FASTKD2: variants seen among roughly 807,000 people sequenced by gnomAD.
The protein encoded by FASTKD2 is FAST kinase domain-containing protein 2, mitochondrial.
In FASTKD2, 51 loss-of-function variants were observed where a neutral mutation model predicts 63.6. The observed-to-expected ratio is 0.80, with a 90% CI of 0.64 to 1.01. FASTKD2 has a LOEUF of 1.01. Among genes scored for constraint, FASTKD2 ranks in the 50% least tolerant of loss-of-function variants. The pLI is 0.00. For missense variants in FASTKD2, 786 were observed against 831.1 expected (o/e 0.95, Z 0.67); for synonymous variants, 284 against 293.4 (o/e 0.97, Z 0.33).
chr2:206,766,673 A>G lies in FASTKD2; in HGVS notation c.-21A>G, dbSNP rs780122499. The G allele has an allele frequency of 6.2e-7, 1 of 1,607,968 alleles. No homozygotes were observed. The highest frequency in any genetic ancestry group is 8.5e-7 in the Non-Finnish European group (1 of 1,174,428). ...ACGACAGCACGTGTTCTTTTTCACT[A>G]GTAGAAGTGACGTTGGTTTCATGTT... On this transcript the variant is annotated 5_prime_UTR_variant, in exon 2 of 12. Transcript: ENST00000402774.
At chr2:206,785,803 C>G (rs572606660) in intron 7 of FASTKD2, among the ~76,000 whole-genome samples, 14 of 152,296 alleles carry the variant, frequency 9.2e-5, no homozygotes, top group African/African-American at 3.4e-4. Flanking sequence ...ACTTCTTCCC[C>G]TACCCATGGA....
At chr2:206,772,726 C>A (rs1448060109) in intron 6 of FASTKD2, among the ~76,000 whole-genome samples, 1 of 139,940 alleles carries the variant, frequency 7.1e-6, no homozygotes, top group African/African-American at 2.5e-5. Context: ...ATATTGTATT[C>A]AATAAATTAC....
rs1351512332 is a variant in FASTKD2 at position 206,791,912 on chromosome 2, C to T, written c.*110C>T. ...CTATCTGCTAAGACAAAAAATGTTA[C>T]CTCAGTTCACTATTAAAATTAATTT... On this transcript the variant is annotated 3_prime_UTR_variant, in exon 12 of 12. Coordinates refer to ENST00000402774, the MANE Select transcript of FASTKD2 (RefSeq NM_001136193.2). 2 of 919,486 alleles carry T rather than the reference C, an allele frequency of 2.2e-6. No individual in the cohort carries two copies. The highest frequency in any genetic ancestry group is 2.6e-5 in the East Asian group (1 of 38,554). The allele number at this position is 919,486 out of a possible 1,614,324, so 57.0% of individuals were successfully genotyped here.
rs773680609 is a variant in FASTKD2 at position 206,788,879 on chromosome 2, C to G, written c.1874C>G (p.Thr625Arg). 1.9e-6 allele frequency: 3 copies of G among 1,566,896 alleles called. No homozygotes were observed. Among genetic ancestry groups the G allele is most frequent in the Non-Finnish European group, 2.6e-6 (3 of 1,137,490 alleles). Residue 625 changes from threonine to arginine, a missense_variant, in exon 10 of 12, where the codon ACA (threonine) becomes AGA (arginine). Physicochemically the swap from Thr to Arg is moderately conservative, Grantham distance 71 (BLOSUM62 -1). Transcript: ENST00000402774. ...NQVLPLSDVD[T>R]TSATDIQRVA... ...GTGCTACCACTTTCTGATGTGGATA[C>G]AACTTCTGCTACAGATATTCAAAGG...
chr2:206,790,398 T>A (rs1690250937), intron 10 of FASTKD2, 174 bp from the exon 11 acceptor site: 1 of 613,292 alleles, frequency 1.6e-6, no homozygotes, highest in African/African-American at 1.8e-5. Context: ...AAAGTAGCCT[T>A]GTATAGTGGA....
In FASTKD2 at chr2:206,786,802, G is replaced by T. The variant is rs2105986048; in HGVS notation, c.1497G>T (p.Leu499Phe). The T allele has an allele frequency of 6.2e-7, 1 of 1,613,336 alleles. No individual in the cohort carries two copies. Among genetic ancestry groups the T allele is most frequent in the South Asian group, 1.1e-5 (1 of 91,062 alleles). ...YLHTISSENLLDAVYSFCLMN... is the reference protein window; with the variant it reads ...YLHTISSENLFDAVYSFCLMN... ...ACACTATTTCTTCTGAAAACTTATT[G>T]GATGCAGTATATTCATTTTGCTTGA... Residue 499 changes from leucine to phenylalanine, a missense_variant, in exon 8 of 12, where the codon TTG becomes TTT. Transcript: ENST00000402774.
chr2:206,785,201 G>A (rs1690108453), intron 7 of FASTKD2, among the ~76,000 whole-genome samples: 1 of 152,178 alleles, frequency 6.6e-6, no homozygotes, highest in South Asian at 2.1e-4. Flanking sequence ...CCATGATTCA[G>A]CTATCTACCA....
chr2:206,766,577 C>A, intron 1 of FASTKD2, 67 bp from the exon 2 acceptor site: 1 of 895,238 alleles, frequency 1.1e-6, no homozygotes, highest in Non-Finnish European at 1.8e-6. Flanking sequence ...CTGTTAAATG[C>A]ATTTCATTTC....
Position 206,767,109 on chromosome 2 carries a change from T to C in FASTKD2, c.416T>C (p.Val139Ala). 6.2e-7 allele frequency: 1 copy of C among 1,613,992 alleles called. No homozygotes were observed. The highest frequency in any genetic ancestry group is 8.5e-7 in the Non-Finnish European group (1 of 1,179,920). ...AAGAAAGTAAACCTTAATCATGAAGTCTCCAATGAAGATGTTCTTACCAAG... is the reference window on the plus strand; with the variant it reads ...AAGAAAGTAAACCTTAATCATGAAGCCTCCAATGAAGATGTTCTTACCAAG... ...ELKKVNLNHEVSNEDVLTKET... is the reference protein window; with the variant it reads ...ELKKVNLNHEASNEDVLTKET... Residue 139 changes from valine (V) to alanine (A), a missense_variant, in exon 2 of 12, where the codon GTC becomes GCC. By Grantham distance (64) the Val-to-Ala change is moderately conservative (BLOSUM62 0). Coordinates refer to ENST00000402774, the MANE Select transcript of FASTKD2 (RefSeq NM_001136193.2).
intron 7 of FASTKD2, among the ~76,000 whole-genome samples, chr2:206,784,210 A>G (rs540916837): frequency 6.6e-6 from 1 of 152,366 alleles, no homozygotes; most frequent in Admixed American, 6.5e-5. Context: ...TTCCTAGACC[A>G]TTTATGAGAA....
intron 7 of FASTKD2, among the ~76,000 whole-genome samples, chr2:206,783,006 G>A (rs1690034158): frequency 6.6e-6 from 1 of 152,090 alleles, no homozygotes; most frequent in African/African-American, 2.4e-5. Context: ...CTTGACTCCA[G>A]CTGCTTGCTT....
At position 206,792,655 on chromosome 2, in the gene FASTKD2, A is replaced by AGAGGCATGGTCT. The variant is rs1690320573; in HGVS notation, c.*853_*854insGAGGCATGGTCT. On this transcript the variant is annotated 3_prime_UTR_variant, in exon 12 of 12. Transcript: ENST00000402774. ...ATGAATAGGCATGGTCTCTTGTGGA[A>AGAGGCATGGTCT]CTTACAGCATGGGTTCCATGCAAGT... 1 of 152,182 alleles carries AGAGGCATGGTCT rather than the reference A, an allele frequency of 6.6e-6. No individual in the cohort carries two copies. The highest frequency in any genetic ancestry group is 1.5e-5 in the Non-Finnish European group (1 of 68,038). The allele number at this position is 152,182 out of a possible 1,614,324, so 9.4% of individuals were successfully genotyped here.
chr2:206,796,185 T>G lies in FASTKD2; in HGVS notation c.*4383T>G, dbSNP rs1311119409. 2.0e-5 allele frequency among the ~76,000 whole-genome samples: 3 copies of G among 152,248 alleles called. No individual in the cohort carries two copies. The highest frequency in any genetic ancestry group is 6.5e-5 in the Admixed American group (1 of 15,284). ...TCAATAAAAATTGGATACTTTGCTT[T>G]AAAAGTTTGTGAATTTTGCTTTTAA... On this transcript the variant is annotated 3_prime_UTR_variant, in exon 12 of 12. Transcript: ENST00000402774.
intron 7 of FASTKD2, 35 bp from the exon 8 acceptor site, chr2:206,786,698 A>T: frequency 6.3e-7 from 1 of 1,596,720 alleles, no homozygotes; most frequent in South Asian, 1.1e-5. Flanking sequence ...GGCCTTCTGT[A>T]TATGTTGGGA....
chr2:206,790,391 G>A (rs1232542363), intron 10 of FASTKD2, 181 bp from the exon 11 acceptor site: 2 of 575,762 alleles, frequency 3.5e-6, no homozygotes, highest in Non-Finnish European at 6.3e-6. Flanking sequence ...GATTTATAAA[G>A]TAGCCTTGTA....
intron 4 of FASTKD2, 59 bp downstream of exon 4, chr2:206,771,349 C>T (rs1027766099): frequency 5.8e-5 from 57 of 988,632 alleles, no homozygotes; most frequent in Non-Finnish European, 8.6e-5. Flanking sequence ...TTATAACCTG[C>T]TATCACTGCC....
chr2:206,777,284 C>T (rs1285014671), intron 7 of FASTKD2, among the ~76,000 whole-genome samples: 1 of 152,098 alleles, frequency 6.6e-6, no homozygotes, highest in African/African-American at 2.4e-5. Flanking sequence ...TGTTTTTCAT[C>T]ATCGAATATG....
chr2:206,791,858 A>G lies in FASTKD2; in HGVS notation c.*56A>G. 6.5e-7 allele frequency: 1 copy of G among 1,529,958 alleles called. No homozygotes were observed. The highest frequency in any genetic ancestry group is 9.0e-7 in the Non-Finnish European group (1 of 1,114,184). 94.8% of individuals were successfully genotyped at this position (1,529,958 alleles called of 1,614,324 possible). A position where few individuals can be genotyped will look rare whatever the true frequency, so the allele number is the denominator to read the frequency against. On this transcript the variant is annotated 3_prime_UTR_variant, in exon 12 of 12. Transcript: ENST00000402774. ...CATGCATTTGTAAAAATTAATAAAGATGACAAGTCAGTTGTCAATGGAATT... is the reference window on the plus strand; with the variant it reads ...CATGCATTTGTAAAAATTAATAAAGGTGACAAGTCAGTTGTCAATGGAATT...
intron 7 of FASTKD2, among the ~76,000 whole-genome samples, chr2:206,784,911 A>C (rs1035368265): frequency 5.9e-5 from 9 of 152,256 alleles, no homozygotes; most frequent in Non-Finnish European, 1.2e-4. Flanking sequence ...TGGCAGTTAA[A>C]TATAGCATGA....
Sources: allele counts gnomAD v4.1 joint callset (sites outside exome capture counted in the v4.1 genomes callset), GRCh38; gene constraint gnomAD v4.1.1; transcripts MANE v1.5; gene names NCBI Gene and HGNC (gene_info 2026-07-23, HGNC 2026-07-21).